Variants in EFCC1 observed in about 807,000 individuals in gnomAD.
EFCC1 encodes EF-hand and coiled-coil domain-containing protein 1.
In EFCC1, 50 loss-of-function variants were observed where a neutral mutation model predicts 52.1. The ratio of observed to expected loss-of-function variants is 0.96; its 90% CI spans 0.76 to 1.21. EFCC1 has a LOEUF of 1.21. Among genes scored for constraint, EFCC1 ranks in the 50% most tolerant of loss-of-function variants. The pLI is 0.00. For missense variants in EFCC1, 837 were observed against 867.3 expected (o/e 0.97, Z 0.44); for synonymous variants, 399 against 396.5 (o/e 1.01, Z -0.08).
Position 129,001,757 on chromosome 3 carries a change from C to T in EFCC1, c.129C>T (p.Gly43=), listed in dbSNP as rs754537184. 1,532 of 1,541,662 alleles carry T rather than the reference C, an allele frequency of 9.9e-4. 2 individuals are homozygous for T. The highest frequency in any genetic ancestry group is 1.2e-3 in the Non-Finnish European group (1,430 of 1,145,134). Residue 43 remains glycine, a synonymous_variant, in exon 1 of 8, where the codon GGC becomes GGT. Transcript: ENST00000683648. ...CGCACCACTACGGGCTGGACCGCGG[C>T]GTGGAGAACGAGATCGTGGTGCTGG... ...ALAHHYGLDR[G]VENEIVVLAT...
Position 129,005,646 on chromosome 3 carries a change from T to C in EFCC1, c.980+1569T>C, listed in dbSNP as rs1011561619. Among the ~76,000 whole-genome samples the C allele has an allele frequency of 2.4e-4, 36 of 152,192 alleles. 1 individual carries two copies. The highest frequency in any genetic ancestry group is 8.4e-4 in the African/African-American group (35 of 41,464). On this transcript the variant is annotated intron_variant, in intron 2 of 7. Coordinates refer to ENST00000683648, the MANE Select transcript of EFCC1 (RefSeq NM_001377500.1). ...GAGGGGCTCCTGCCATCCCTGATCC[T>C]GAGAGGAAGGTGGTCTAGCCCAGGC...
intron 2 of EFCC1, among the ~76,000 whole-genome samples, chr3:129,021,376 C>T (rs1025792489): frequency 2.0e-5 from 3 of 152,184 alleles, no homozygotes; most frequent in Non-Finnish European, 4.4e-5. Context: ...AAGAGTTGCT[C>T]ATCATTTCAG....
chr3:129,040,287 C>T lies in EFCC1; in HGVS notation c.*439C>T, dbSNP rs1456163828. The T allele has an allele frequency of 1.8e-5, 3 of 167,342 alleles. No homozygotes were observed. The highest frequency in any genetic ancestry group is 3.8e-5 in the Non-Finnish European group (3 of 78,820). 10.4% of individuals were successfully genotyped at this position (167,342 alleles called of 1,614,324 possible). ...CTGCTGCAACGGAGACTGGGCCCAACCTTTGGGATACCTGGTCTGTAGGAA... is the reference window on the plus strand; with the variant it reads ...CTGCTGCAACGGAGACTGGGCCCAATCTTTGGGATACCTGGTCTGTAGGAA... On this transcript the variant is annotated 3_prime_UTR_variant, in exon 8 of 8. Coordinates refer to ENST00000683648, the MANE Select transcript of EFCC1 (RefSeq NM_001377500.1). This position sits in a 1 kb window ranked among gnomAD's most constrained non-coding sequence, Gnocchi z 4.4.
chr3:129,004,966 T>G (rs1945005617), intron 2 of EFCC1, among the ~76,000 whole-genome samples: 1 of 152,160 alleles, frequency 6.6e-6, no homozygotes, highest in Admixed American at 6.5e-5. Context: ...TCCCTGCCTG[T>G]GGGAGTGGCT....
At position 129,026,919 on chromosome 3, in the gene EFCC1, T is replaced by G. The variant is rs138551883; in HGVS notation, c.981-3784T>G. Among the ~76,000 whole-genome samples, 182 of 152,318 alleles carry G rather than the reference T, an allele frequency of 1.2e-3. 1 individual carries two copies. Among genetic ancestry groups the G allele is most frequent in the African/African-American group, 4.3e-3 (177 of 41,558 alleles). On this transcript the variant is annotated intron_variant, in intron 2 of 7. Transcript: ENST00000683648. ...TGCAGGATTTTATGAATCAGAGTCA[T>G]GGGCTCAAAAAACACGAAATTCCAG...
chr3:129,001,561 C>A lies in EFCC1; in HGVS notation c.-68C>A, dbSNP rs934857536. 2 of 1,347,820 alleles carry A rather than the reference C, an allele frequency of 1.5e-6. No homozygotes were observed. Among genetic ancestry groups the A allele is most frequent in the East Asian group, 3.0e-5 (1 of 32,842 alleles). The allele number at this position is 1,347,820 out of a possible 1,614,324, so 83.5% of individuals were successfully genotyped here. A position where few individuals can be genotyped will look rare whatever the true frequency, so the allele number is the denominator to read the frequency against. On this transcript the variant is annotated 5_prime_UTR_variant, in exon 1 of 8. Coordinates refer to ENST00000683648, the MANE Select transcript of EFCC1 (RefSeq NM_001377500.1). ...CCCTCCTTTCGAGAAACTCTGGGGC[C>A]GCCCCTGGAAGTGGCGGGGCGAAGG...
rs1392788940 is a variant in EFCC1 at position 129,001,335 on chromosome 3, G to A, written c.-294G>A. Among the ~76,000 whole-genome samples, 1 of 152,236 alleles carries A rather than the reference G, an allele frequency of 6.6e-6. No individual in the cohort carries two copies. Among genetic ancestry groups the A allele is most frequent in the Admixed American group, 6.5e-5 (1 of 15,292 alleles). ...CAGGAACGCCCCGTGAGTGAGGAGA[G>A]GAGAGCGTGGGAGTCACGCGGAGAA... On this transcript the variant is annotated 5_prime_UTR_variant, in exon 1 of 8. Transcript: ENST00000683648.
intron 6 of EFCC1, among the ~76,000 whole-genome samples, 181 bp from the exon 7 acceptor site, chr3:129,038,650 C>G (rs964526379): frequency 3.9e-5 from 6 of 152,126 alleles, no homozygotes; most frequent in African/African-American, 1.2e-4. Context: ...CTCCAAGAGT[C>G]TCTGGGAAGT....
intron 2 of EFCC1, among the ~76,000 whole-genome samples, chr3:129,006,699 G>C (rs1945089324): frequency 5.9e-5 from 9 of 152,202 alleles, no homozygotes; most frequent in Admixed American, 5.9e-4. Flanking sequence ...TGAGGAAATT[G>C]AGGACCAGAG....
intron 2 of EFCC1, among the ~76,000 whole-genome samples, chr3:129,016,348 G>A (rs1945580895): frequency 1.3e-5 from 2 of 152,142 alleles, no homozygotes; most frequent in African/African-American, 2.4e-5. Context: ...ACAGAAGGGT[G>A]TGGAATCCAT....
At chr3:129,032,626 G>T (rs1411152152) in intron 3 of EFCC1, among the ~76,000 whole-genome samples, 193 bp from the exon 4 acceptor site, 2 of 152,214 alleles carry the variant, frequency 1.3e-5, no homozygotes, top group Non-Finnish European at 2.9e-5. Context: ...TCCTGGGCTG[G>T]TCACATTACA....
Position 129,032,941 on chromosome 3 carries a change from G to T in EFCC1, c.1261G>T (p.Ala421Ser). 6.5e-7 allele frequency: 1 copy of T among 1,547,220 alleles called. No individual in the cohort carries two copies. The highest frequency in any genetic ancestry group is 2.5e-5 in the East Asian group (1 of 40,802). ...GGCAGCCGAGGCCAAGACACTGCTG[G>T]CCCGGCTCTCCAGCTGCAGAGGCAG... ...TPAAEAKTLL[A>S]RLSSCRGRCD... The change falls in exon 4 of 8, where the codon GCC becomes TCC. Residue 421 changes from alanine to serine, a missense_variant. Coordinates refer to ENST00000683648, the MANE Select transcript of EFCC1 (RefSeq NM_001377500.1).
chr3:129,040,134 C>A lies in EFCC1; in HGVS notation c.*286C>A. On this transcript the variant is annotated 3_prime_UTR_variant, in exon 8 of 8. Transcript: ENST00000683648. The surrounding 1 kb of genome is among the most constrained non-coding windows in gnomAD (Gnocchi z 4.4). Reference sequence around the variant, plus strand: ...TTGCTGGATCAGCCTGCACCTGATGCTGTATCTTTCCCCTGCCCTCAGGGC... The same window carrying A: ...TTGCTGGATCAGCCTGCACCTGATGATGTATCTTTCCCCTGCCCTCAGGGC... 1 of 381,122 alleles carries A rather than the reference C, an allele frequency of 2.6e-6. No individual in the cohort carries two copies. The highest frequency in any genetic ancestry group is 2.1e-5 in the African/African-American group (1 of 48,288). 23.6% of individuals were successfully genotyped at this position (381,122 alleles called of 1,614,324 possible).
At chr3:129,022,294 G>C (rs563661616) in intron 2 of EFCC1, among the ~76,000 whole-genome samples, 1 of 152,224 alleles carries the variant, frequency 6.6e-6, no homozygotes, top group African/African-American at 2.4e-5. Context: ...AAATGAAATA[G>C]AGGCTCAGAG....
At chr3:129,006,823 T>G (rs1945095798) in intron 2 of EFCC1, among the ~76,000 whole-genome samples, 1 of 152,132 alleles carries the variant, frequency 6.6e-6, no homozygotes, top group South Asian at 2.1e-4. Flanking sequence ...GGGGCTGACC[T>G]CCTCTGCCCA....
intron 2 of EFCC1, among the ~76,000 whole-genome samples, chr3:129,027,772 AT>A (rs908651411): frequency 1.3e-5 from 2 of 152,070 alleles, no homozygotes; most frequent in African/African-American, 4.8e-5. Flanking sequence ...CCTGGGCAAC[AT>A]GGAAACCTCG....
In EFCC1 at chr3:129,025,871, T is replaced by G. The variant is rs190382782; in HGVS notation, c.981-4832T>G. Among the ~76,000 whole-genome samples, 260 of 152,336 alleles carry G rather than the reference T, an allele frequency of 1.7e-3. 3 individuals are homozygous for G. The highest frequency in any genetic ancestry group is 6.1e-3 in the African/African-American group (255 of 41,576). ...AGATGGCTCTGTTCTCTTCCCAGCT[T>G]CACTGCCTGTGACCTGGAGTTACCC... is the stretch of plus-strand genomic sequence containing the variant. On this transcript the variant is annotated intron_variant, in intron 2 of 7. Transcript: ENST00000683648.
At chr3:129,027,106 T>C (rs1946139308) in intron 2 of EFCC1, among the ~76,000 whole-genome samples, 1 of 151,904 alleles carries the variant, frequency 6.6e-6, no homozygotes, top group African/African-American at 2.4e-5. Context: ...GTCATCATGC[T>C]CCGCGCCCTC....
chr3:129,009,012 G>T (rs1050067933), intron 2 of EFCC1, among the ~76,000 whole-genome samples: 1 of 132,832 alleles, frequency 7.5e-6, no homozygotes, highest in African/African-American at 2.7e-5. Flanking sequence ...TTGGCGGGGT[G>T]GGGGGCGGGG....
Sources: allele counts gnomAD v4.1 joint callset (sites outside exome capture counted in the v4.1 genomes callset), GRCh38; gene constraint gnomAD v4.1.1; non-coding constraint Gnocchi (gnomAD v3.1); transcripts MANE v1.5; gene names NCBI Gene and HGNC (gene_info 2026-07-23, HGNC 2026-07-21).